Variants in RAD51B observed in about 807,000 individuals in gnomAD.
RAD51B encodes DNA repair protein RAD51 homolog 2.
RAD51B carries 38 observed loss-of-function variants against 42.2 expected under a neutral mutation model. That is an observed-to-expected ratio of 0.90 (90% CI 0.70 to 1.18). The LOEUF (loss-of-function observed/expected upper bound fraction) is 1.18. RAD51B is among the 50% of genes most tolerant of loss of function. RAD51B has a pLI of 0.00. For missense variants in RAD51B, 373 were observed against 400.7 expected, an observed-to-expected ratio of 0.93 and a Z score of 0.59; for synonymous variants, 154 against 145.2, an observed-to-expected ratio of 1.06 and a Z score of -0.43.
At chr14:68,253,189 A>G (rs1039049739) in intron 7 of RAD51B, among the ~76,000 whole-genome samples, 59 of 152,272 alleles carry the variant, frequency 3.9e-4, no homozygotes, top group African/African-American at 1.3e-3. Context: ...ATAATTGTCT[A>G]TCCAGAGATA....
chr14:68,146,191 T>C (rs1233753981), intron 7 of RAD51B, among the ~76,000 whole-genome samples: 1 of 152,198 alleles, frequency 6.6e-6, no homozygotes, highest in African/African-American at 2.4e-5. Flanking sequence ...GGCACATGCC[T>C]ATAATCCTAG....
intron 11 of RAD51B, chr14:68,650,922 G>A: frequency 2.9e-6 from 2 of 678,060 alleles, no homozygotes; most frequent in Non-Finnish European, 5.4e-6. Flanking sequence ...GAAGAGATCA[G>A]AAAATGATAT....
chr14:67,836,879 A>G (rs1161974360), intron 4 of RAD51B, among the ~76,000 whole-genome samples: 1 of 152,052 alleles, frequency 6.6e-6, no homozygotes, highest in Non-Finnish European at 1.5e-5. Context: ...TTATCAATAC[A>G]CTCCTGAGGA....
At chr14:68,261,060 T>C (rs921098516) in intron 7 of RAD51B, among the ~76,000 whole-genome samples, 9 of 152,242 alleles carry the variant, frequency 5.9e-5, no homozygotes, top group African/African-American at 2.2e-4. Flanking sequence ...AATTTTTTCT[T>C]AAGGTCTCAT....
chr14:68,105,998 T>G (rs937698326), intron 7 of RAD51B, among the ~76,000 whole-genome samples: 2 of 151,942 alleles, frequency 1.3e-5, no homozygotes, highest in African/African-American at 4.8e-5. Flanking sequence ...AGAGTGTTAT[T>G]GCGGTGTTTT....
chr14:68,268,123 T>G (rs2081029294), intron 7 of RAD51B, among the ~76,000 whole-genome samples: 1 of 152,200 alleles, frequency 6.6e-6, no homozygotes, highest in East Asian at 1.9e-4. Context: ...GAATTGCATT[T>G]CCTGCTGGCT....
At chr14:68,587,943 G>A (rs771731629) in intron 10 of RAD51B, among the ~76,000 whole-genome samples, 2 of 152,184 alleles carry the variant, frequency 1.3e-5, no homozygotes, top group Admixed American at 6.5e-5. Context: ...ATAGATCCTC[G>A]CTCCTATAAA....
At chr14:68,603,615 A>G (rs1247368004) in intron 10 of RAD51B, among the ~76,000 whole-genome samples, 1 of 152,156 alleles carries the variant, frequency 6.6e-6, no homozygotes, top group East Asian at 1.9e-4. Flanking sequence ...TCCTTGTAAA[A>G]GTCTGTGAGG....
At chr14:67,836,842 A>G (rs1178540106) in intron 4 of RAD51B, among the ~76,000 whole-genome samples, 2 of 152,180 alleles carry the variant, frequency 1.3e-5, no homozygotes, top group East Asian at 3.9e-4. Flanking sequence ...AAAACTGCTT[A>G]CAATGTGGTG....
At chr14:68,123,047 G>A (rs545000322) in intron 7 of RAD51B, among the ~76,000 whole-genome samples, 2 of 152,288 alleles carry the variant, frequency 1.3e-5, no homozygotes, top group African/African-American at 2.4e-5. Flanking sequence ...GGGTTTTGCT[G>A]TGTGAGAAAC....
At chr14:68,394,748 G>T (rs7145422) in intron 8 of RAD51B, among the ~76,000 whole-genome samples, 128,107 of 152,222 alleles carry the variant, frequency 0.84, 54,094 homozygotes, top group East Asian at 0.97. Flanking sequence ...CTTTGGGCCC[G>T]GGCTCCTGTC....
At position 68,346,097 on chromosome 14, in the gene RAD51B, C is replaced by T. The variant is rs181576404; in HGVS notation, c.853+54117C>T. 1.2e-3 allele frequency among the ~76,000 whole-genome samples: 189 copies of T among 152,272 alleles called. 1 individual carries two copies. The highest frequency in any genetic ancestry group is 4.4e-3 in the African/African-American group (181 of 41,536). On this transcript the variant is annotated intron_variant, in intron 8 of 10. Coordinates refer to ENST00000471583, the MANE Select transcript of RAD51B (RefSeq NM_133510.4). ...TCCTATATTTGTTTTTGAATGCATG[C>T]AGAGAATAGATTAAAATATAAATAT...
At chr14:67,896,081 C>T (rs1595075522) in intron 7 of RAD51B, among the ~76,000 whole-genome samples, 1 of 152,272 alleles carries the variant, frequency 6.6e-6, no homozygotes, top group Non-Finnish European at 1.5e-5. Flanking sequence ...ATAAAGCCCC[C>T]TGAAAACAGA....
intron 7 of RAD51B, among the ~76,000 whole-genome samples, chr14:68,251,150 G>GA (rs1252774937): frequency 6.6e-6 from 1 of 151,354 alleles, no homozygotes; most frequent in Admixed American, 6.6e-5. Flanking sequence ...AGATCCAGGG[G>GA]AAAAAAAGAA....
chr14:68,362,548 C>T (rs1322400965), intron 8 of RAD51B, among the ~76,000 whole-genome samples: 2 of 152,148 alleles, frequency 1.3e-5, no homozygotes, highest in African/African-American at 2.4e-5. Flanking sequence ...AAGCACCAGA[C>T]CTGAAAGAAA....
intron 8 of RAD51B, among the ~76,000 whole-genome samples, chr14:68,348,172 T>C (rs2082711037): frequency 6.6e-6 from 1 of 152,226 alleles, no homozygotes; most frequent in Non-Finnish European, 1.5e-5. Flanking sequence ...GAAACTAATA[T>C]GTCTTCTGTG....
chr14:68,346,399 C>T (rs961378028), intron 8 of RAD51B, among the ~76,000 whole-genome samples: 11 of 152,126 alleles, frequency 7.2e-5, no homozygotes, highest in South Asian at 2.1e-4. Context: ...TGAATAGCTT[C>T]GCTAGTTACC....
At chr14:68,530,002 A>G (rs1032771017) in intron 10 of RAD51B, among the ~76,000 whole-genome samples, 4 of 152,232 alleles carry the variant, frequency 2.6e-5, no homozygotes, top group Non-Finnish European at 4.4e-5. Flanking sequence ...TGAAGATAAA[A>G]TTAGTGAATA....
chr14:67,939,389 T>C (rs142131417), intron 7 of RAD51B, among the ~76,000 whole-genome samples: 1,704 of 152,210 alleles, frequency 0.011, 13 homozygotes, highest in Non-Finnish European at 0.016. Context: ...ATAAACTAGA[T>C]AGTATATAGA....
Sources: allele counts gnomAD v4.1 joint callset (sites outside exome capture counted in the v4.1 genomes callset), GRCh38; gene constraint gnomAD v4.1.1; transcripts MANE v1.5; gene names NCBI Gene and HGNC (gene_info 2026-07-23, HGNC 2026-07-21).